RCN2: variants seen among roughly 807,000 people sequenced by gnomAD.
RCN2 encodes reticulocalbin 2, also known as reticulocalbin-2.
In RCN2, 23 loss-of-function variants were observed where a neutral mutation model predicts 37.5. The observed-to-expected ratio is 0.61, with a 90% CI of 0.44 to 0.87. The LOEUF (loss-of-function observed/expected upper bound fraction) is 0.87. Among genes scored for constraint, RCN2 ranks in the 40% least tolerant of loss-of-function variants. The pLI is 0.00. For missense variants in RCN2, 381 were observed against 390.4 expected (o/e 0.98, Z 0.20); for synonymous variants, 140 against 144.6 (o/e 0.97, Z 0.23).
At chr15:76,943,986 T>C in intron 4 of RCN2, 115 bp downstream of exon 4, 2 of 53,990 alleles carry the variant, frequency 3.7e-5, no homozygotes, top group South Asian at 5.3e-4. Flanking sequence ...ACATGAGACT[T>C]TTTTTTTTTT....
At chr15:76,932,194 C>T (rs993792492) in intron 1 of RCN2, among the ~76,000 whole-genome samples, 167 bp from the exon 2 acceptor site, 2 of 152,116 alleles carry the variant, frequency 1.3e-5, no homozygotes, top group African/African-American at 4.8e-5. Context: ...ATCCCTTCTA[C>T]CCCTCAGATC....
At chr15:76,937,920 C>T (rs909001884) in intron 3 of RCN2, among the ~76,000 whole-genome samples, 78 of 152,040 alleles carry the variant, frequency 5.1e-4, no homozygotes, top group Non-Finnish European at 1.2e-4. Flanking sequence ...ATATCAAATA[C>T]TTTTGTATTT....
intron 3 of RCN2, chr15:76,941,722 G>A: frequency 8.3e-7 from 1 of 1,202,282 alleles, no homozygotes; most frequent in Non-Finnish European, 1.1e-6. Flanking sequence ...TTCTTCAAAT[G>A]GCCGTGAAAT....
At position 76,951,527 on chromosome 15, in the gene RCN2, C is replaced by T. The variant is rs2075320511; in HGVS notation, c.*2305C>T. 1 of 152,166 alleles carries T rather than the reference C, an allele frequency of 6.6e-6. No homozygotes were observed. The highest frequency in any genetic ancestry group is 2.1e-4 in the South Asian group (1 of 4,830). The allele number at this position is 152,166 out of a possible 1,614,324, so 9.4% of individuals were successfully genotyped here. ...TTTAACCACAGCAGAGCCCATCCTG[C>T]TGTGACTGAGTGAAGATTTCACATT... On this transcript the variant is annotated 3_prime_UTR_variant, in exon 7 of 7. Transcript: ENST00000394885.
At chr15:76,932,696 G>A (rs922845177) in intron 2 of RCN2, among the ~76,000 whole-genome samples, 14 of 152,132 alleles carry the variant, frequency 9.2e-5, no homozygotes, top group African/African-American at 3.4e-4. Flanking sequence ...TACTCTATGT[G>A]GAAGTCACAC....
rs1401436212 is a variant in RCN2, at chr15:76,932,352, C to T, written c.145-9C>T. ...GCTTGGCCCTCCTGTGTGTCGCTTC[C>T]CCCTAAAGGAAGATGTGGATGAATA... On this transcript the variant is annotated splice_polypyrimidine_tract_variant and intron_variant, in intron 1 of 6. Coordinates refer to ENST00000394885, the MANE Select transcript of RCN2 (RefSeq NM_002902.3). The T allele has an allele frequency of 1.2e-6, 2 of 1,605,208 alleles. No individual in the cohort carries two copies. The highest frequency in any genetic ancestry group is 1.1e-5 in the South Asian group (1 of 90,740).
At position 76,950,968 on chromosome 15, in the gene RCN2, A is replaced by C. The variant is rs2075318370; in HGVS notation, c.*1746A>C. The C allele has an allele frequency of 6.6e-6, 1 of 152,190 alleles. No homozygotes were observed. Among genetic ancestry groups the C allele is most frequent in the African/African-American group, 2.4e-5 (1 of 41,448 alleles). The allele number at this position is 152,190 out of a possible 1,614,324, so 9.4% of individuals were successfully genotyped here. On this transcript the variant is annotated 3_prime_UTR_variant, in exon 7 of 7. Coordinates refer to ENST00000394885, the MANE Select transcript of RCN2 (RefSeq NM_002902.3). ...TTGCTTGGGTATCTACATGGTTTTC[A>C]TTTTAACCTACACTATATGTCTGGC...
chr15:76,941,679 C>A, intron 3 of RCN2: 1 of 1,494,220 alleles, frequency 6.7e-7, no homozygotes, highest in Non-Finnish European at 9.0e-7. Flanking sequence ...TTTTTGGCTT[C>A]TTCGATTTAA....
At chr15:76,944,016 G>T in intron 4 of RCN2, 145 bp downstream of exon 4, 1 of 407,780 alleles carries the variant, frequency 2.5e-6, no homozygotes, top group South Asian at 4.3e-5. Flanking sequence ...TTTTTGAGAC[G>T]GAGTATCGCT....
At chr15:76,938,128 A>G (rs561696547) in intron 3 of RCN2, among the ~76,000 whole-genome samples, 24 of 152,188 alleles carry the variant, frequency 1.6e-4, no homozygotes, top group Non-Finnish European at 2.6e-4. Flanking sequence ...AAAATCAAAC[A>G]TGCTGTTGCA....
intron 3 of RCN2, chr15:76,941,554 A>C (rs1336936779): frequency 2.9e-6 from 2 of 689,792 alleles, no homozygotes; most frequent in Non-Finnish European, 2.4e-6. Context: ...ACCCTCTACT[A>C]GAATACAAAG....
At chr15:76,937,662 C>T (rs2075258161) in intron 3 of RCN2, among the ~76,000 whole-genome samples, 1 of 152,130 alleles carries the variant, frequency 6.6e-6, no homozygotes, top group African/African-American at 2.4e-5. Context: ...CCCACCTCAG[C>T]CTCCCAAAGT....
At chr15:76,943,984 C>CCTTT (rs2075285723) in intron 4 of RCN2, 113 bp downstream of exon 4, 1 of 94,554 alleles carries the variant, frequency 1.1e-5, no homozygotes, top group Non-Finnish European at 2.0e-5. Flanking sequence ...ATACATGAGA[C>CCTTT]TTTTTTTTTT....
intron 4 of RCN2, 113 bp downstream of exon 4, chr15:76,943,984 C>CTTTTTTT (rs11361216): frequency 1.1e-5 from 1 of 94,554 alleles, no homozygotes; most frequent in Non-Finnish European, 2.0e-5. Flanking sequence ...ATACATGAGA[C>CTTTTTTT]TTTTTTTTTT....
intron 3 of RCN2, among the ~76,000 whole-genome samples, chr15:76,935,949 A>G (rs1354969201): frequency 6.6e-6 from 1 of 152,200 alleles, no homozygotes. Flanking sequence ...TCTCGGCTGC[A>G]TCATTTAATT....
chr15:76,949,115 C>G lies in RCN2; in HGVS notation c.847C>G (p.Leu283Val). 1 of 1,612,204 alleles carries G rather than the reference C, an allele frequency of 6.2e-7. No homozygotes were observed. The highest frequency in any genetic ancestry group is 8.5e-7 in the Non-Finnish European group (1 of 1,179,380). ...DEMDLNGDKKLSEEEILENPD... is the reference protein window; with the variant it reads ...DEMDLNGDKKVSEEEILENPD... ...AATGGATTTGAATGGTGACAAAAAG[C>G]TCTCTGAAGAAGAGATTCTGGAAAA... Residue 283 changes from leucine (L) to valine (V), a missense_variant, in exon 7 of 7, where the codon CTC becomes GTC. Physicochemically the swap from Leu to Val is conservative, Grantham distance 32. Transcript: ENST00000394885.
Position 76,949,095 on chromosome 15 carries a change from A to G in RCN2, c.827A>G (p.Asp276Gly), listed in dbSNP as rs1181940415. 1.2e-6 allele frequency: 2 copies of G among 1,607,966 alleles called. No individual in the cohort carries two copies. The highest frequency in any genetic ancestry group is 2.7e-5 in the African/African-American group (2 of 74,544). The change falls in exon 7 of 7, where the codon GAT becomes GGT. Residue 276 changes from aspartate to glycine, a missense_variant. Coordinates refer to ENST00000394885, the MANE Select transcript of RCN2 (RefSeq NM_002902.3). ...GCGCTTCATCTAATTGATGAAATGG[A>G]TTTGAATGGTGACAAAAAGCTCTCT... The part of the protein sequence containing the change: ...EEALHLIDEM[D>G]LNGDKKLSEE...
At position 76,931,977 on chromosome 15, in the gene RCN2, G is replaced by C; in HGVS notation, c.136G>C (p.Gly46Arg). The change falls in exon 1 of 7, where the codon GGC (glycine) becomes CGC (arginine). Residue 46 changes from glycine (G) to arginine (R), a missense_variant. Physicochemically the swap from Gly to Arg is moderately radical, Grantham distance 125. Coordinates refer to ENST00000394885, the MANE Select transcript of RCN2 (RefSeq NM_002902.3). ...CGACTACGACCGCGAGGCGCTGCTG[G>C]GCGTCCAGGTGAGGCGGCCAGGCCG... ...RSDYDREALL[G>R]VQEDVDEYVK... 5 of 1,266,044 alleles carry C rather than the reference G, an allele frequency of 3.9e-6. No homozygotes were observed. The highest frequency in any genetic ancestry group is 4.9e-6 in the Non-Finnish European group (5 of 1,010,656). The allele number at this position is 1,266,044 out of a possible 1,614,324, so 78.4% of individuals were successfully genotyped here.
chr15:76,943,832 T>A lies in RCN2; in HGVS notation c.522T>A (p.Phe174Leu), dbSNP rs757910578. ...GTCCCGGTTTGAGTCTTGAAGAATT[T>A]ATTGCTTTTGAGCATCCTGAAGAAG... ...DSGPGLSLEE[F>L]IAFEHPEEVD... is the part of the protein sequence containing the mutation. The change falls in exon 4 of 7, where the codon TTT becomes TTA. Residue 174 changes from phenylalanine to leucine, a missense_variant. Physicochemically the swap from Phe to Leu is conservative, Grantham distance 22. Coordinates refer to ENST00000394885, the MANE Select transcript of RCN2 (RefSeq NM_002902.3). 7 of 1,610,830 alleles carry A rather than the reference T, an allele frequency of 4.3e-6. No individual in the cohort carries two copies. The highest frequency in any genetic ancestry group is 5.9e-6 in the Non-Finnish European group (7 of 1,177,468).
Sources: allele counts gnomAD v4.1 joint callset (sites outside exome capture counted in the v4.1 genomes callset), GRCh38; gene constraint gnomAD v4.1.1; transcripts MANE v1.5; gene names NCBI Gene and HGNC (gene_info 2026-07-23, HGNC 2026-07-21).